Variants in BOC observed in about 807,000 individuals in gnomAD.
The protein encoded by BOC is BOC cell adhesion associated, oncogene regulated.
In BOC, 76 loss-of-function variants were observed where a neutral mutation model predicts 112.0. That is an observed-to-expected ratio of 0.68 (90% confidence interval 0.56 to 0.82). The LOEUF (loss-of-function observed/expected upper bound fraction) is 0.82. Among genes scored for constraint, BOC ranks in the 40% least tolerant of loss-of-function variants. The pLI, the probability that BOC is intolerant of heterozygous loss-of-function variation, is 0.00. For missense variants in BOC, 1,309 were observed against 1,511.7 expected (o/e 0.87, Z 2.22); for synonymous variants, 580 against 599.8 (o/e 0.97, Z 0.48).
chr3:113,236,070 C>A (rs150401878), intron 2 of BOC, among the ~76,000 whole-genome samples: 1,778 of 150,998 alleles, frequency 0.012, 39 homozygotes, highest in African/African-American at 0.041. Flanking sequence ...TAGTATCTAC[C>A]CAAAGGAAAG....
intron 9 of BOC, among the ~76,000 whole-genome samples, chr3:113,275,083 G>GCT (rs1388862101): frequency 3.3e-5 from 5 of 152,226 alleles, no homozygotes; most frequent in Admixed American, 2.6e-4. Flanking sequence ...AGTAAGCCGT[G>GCT]CTGGGTACAT....
Position 113,283,513 on chromosome 3 carries a change from C to T in BOC, c.2537C>T (p.Ala846Val), listed in dbSNP as rs764872369. 3.7e-6 allele frequency: 6 copies of T among 1,613,996 alleles called. No homozygotes were observed. The Admixed American group carries it at 1.0e-4, about 27-fold the overall frequency. The change falls in exon 16 of 20, where the codon GCC becomes GTC. Residue 846 changes from alanine to valine, a missense_variant. Physicochemically the swap from Ala to Val is moderately conservative, Grantham distance 64. Coordinates refer to ENST00000682979, the MANE Select transcript of BOC (RefSeq NM_001378074.1). ...ETIERPVGTGAMVARSSDLPY... is the reference protein window; with the variant it reads ...ETIERPVGTGVMVARSSDLPY... ...ATAGAGCGGCCGGTGGGCACTGGGG[C>T]CATGGTGGCTCGCTCCAGCGACCTG...
At chr3:113,279,213 C>A in intron 11 of BOC, 36 bp from the exon 12 acceptor site, 1 of 1,598,262 alleles carries the variant, frequency 6.3e-7, no homozygotes, top group South Asian at 1.1e-5. Flanking sequence ...GTCATCTCAC[C>A]CTGCTTCCTT....
rs1938203828 is a variant in BOC at position 113,211,882 on chromosome 3, GC to G, written c.-301del. The G allele has an allele frequency of 6.6e-6, 1 of 152,198 alleles. No homozygotes were observed. Among genetic ancestry groups the G allele is most frequent in the Non-Finnish European group, 1.5e-5 (1 of 68,094 alleles). 9.4% of individuals were successfully genotyped at this position (152,198 alleles called of 1,614,324 possible). On this transcript the variant is annotated 5_prime_UTR_variant, in exon 1 of 20. Transcript: ENST00000682979. ...TTTGTTGCTCCAGCCGCGGCCGCTC[GC>G]CCGTGTTGTGTGTCCCCGGTGTCAC...
At chr3:113,260,753 G>GAACAGAACA (rs1559854500) in intron 4 of BOC, among the ~76,000 whole-genome samples, 1 of 151,472 alleles carries the variant, frequency 6.6e-6, no homozygotes, top group Non-Finnish European at 1.5e-5. Context: ...GAACAGAACA[G>GAACAGAACA]GTTTTCACCA....
At chr3:113,283,277 A>C (rs998195785) in intron 15 of BOC, 134 bp from the exon 16 acceptor site, 3 of 862,092 alleles carry the variant, frequency 3.5e-6, no homozygotes, top group Non-Finnish European at 5.4e-6. Context: ...TTCAAATAAG[A>C]GATTTTGAGG....
At chr3:113,232,708 A>AT (rs1390173130) in intron 2 of BOC, among the ~76,000 whole-genome samples, 2 of 152,156 alleles carry the variant, frequency 1.3e-5, no homozygotes, top group Non-Finnish European at 1.5e-5. Context: ...CTTCTTAAAT[A>AT]TTTTTTGTGA....
In BOC at chr3:113,279,940, G is replaced by A. The variant is rs367589886; in HGVS notation, c.2140G>A (p.Val714Met). The A allele has an allele frequency of 2.7e-5, 44 of 1,613,876 alleles. No individual in the cohort carries two copies. Among genetic ancestry groups the A allele is most frequent in the East Asian group, 4.5e-5 (2 of 44,840 alleles). The change falls in exon 13 of 20, where the codon GTG becomes ATG. Residue 714 changes from valine to methionine, a missense_variant. By Grantham distance (21) the Val-to-Met change is conservative. Transcript: ENST00000682979. ...GYSGRVYERP[V>M]AGPYITFTDA... ...CAGCGGTCGCGTGTACGAGAGGCCC[G>A]TGGCAGGTCCTTATATCACCTTCAC... is the stretch of plus-strand genomic sequence containing the variant.
At chr3:113,222,048 G>A (rs553239150) in intron 2 of BOC, among the ~76,000 whole-genome samples, 3 of 152,266 alleles carry the variant, frequency 2.0e-5, no homozygotes, top group Admixed American at 2.0e-4. Flanking sequence ...CTGCTTTCAT[G>A]GTCACCTAAA....
intron 2 of BOC, among the ~76,000 whole-genome samples, chr3:113,246,702 C>T (rs1944960548): frequency 6.6e-6 from 1 of 151,998 alleles, no homozygotes; most frequent in Admixed American, 6.6e-5. Context: ...ATTTTTTGGT[C>T]ATAGTTCTGC....
chr3:113,218,858 G>A (rs1268743683), intron 2 of BOC, among the ~76,000 whole-genome samples: 2 of 152,206 alleles, frequency 1.3e-5, no homozygotes, highest in African/African-American at 4.8e-5. Flanking sequence ...TTGCCAGCAA[G>A]TGTCACTGGG....
rs958129104 is a variant in BOC at position 113,248,544 on chromosome 3, C to G, written c.-81-1178C>G. On this transcript the variant is annotated intron_variant, in intron 2 of 19. Coordinates refer to ENST00000682979, the MANE Select transcript of BOC (RefSeq NM_001378074.1). ...CAGATCACTGGAATGTTGCCTTCAACGTTATCCGAACTCATTTCAATGCCT... is the reference window on the plus strand; with the variant it reads ...CAGATCACTGGAATGTTGCCTTCAAGGTTATCCGAACTCATTTCAATGCCT... 2.0e-5 allele frequency among the ~76,000 whole-genome samples: 3 copies of G among 152,144 alleles called. No homozygotes were observed. In the East Asian group the frequency reaches 5.8e-4, roughly 29 times the overall value.
intron 15 of BOC, among the ~76,000 whole-genome samples, chr3:113,282,435 C>T (rs1576507642): frequency 6.6e-6 from 1 of 152,134 alleles, no homozygotes; most frequent in Non-Finnish European, 1.5e-5. Context: ...AGGTTTCCAG[C>T]TGGAAGTACT....
chr3:113,223,861 A>G (rs749424119), intron 2 of BOC, among the ~76,000 whole-genome samples: 1 of 152,370 alleles, frequency 6.6e-6, no homozygotes, highest in Non-Finnish European at 1.5e-5. Flanking sequence ...GCCCGCAACC[A>G]GAGCCCTGCA....
rs142957790 is a variant in BOC, at chr3:113,264,948, G to A, written c.377-3351G>A. 3.6e-3 allele frequency among the ~76,000 whole-genome samples: 541 copies of A among 152,280 alleles called. 2 individuals carry two copies. The highest frequency in any genetic ancestry group is 0.012 in the African/African-American group (490 of 41,556). The stretch of plus-strand genomic sequence containing the variant: ...CTGGATGTCCAGCTGGGGTGCCCTC[G>A]GTCCTGCCTGCACAGGCTGTTGTGC... On this transcript the variant is annotated intron_variant, in intron 4 of 19. Coordinates refer to ENST00000682979, the MANE Select transcript of BOC (RefSeq NM_001378074.1).
chr3:113,228,937 C>A (rs943819518), intron 2 of BOC, among the ~76,000 whole-genome samples: 3 of 151,400 alleles, frequency 2.0e-5, no homozygotes, highest in East Asian at 3.9e-4. Context: ...CTCCTCCGCT[C>A]CCATACATGC....
intron 4 of BOC, among the ~76,000 whole-genome samples, chr3:113,260,753 G>GAACAGAACAGAACA (rs1559854500): frequency 2.6e-5 from 4 of 151,468 alleles, no homozygotes; most frequent in African/African-American, 4.9e-5. Flanking sequence ...GAACAGAACA[G>GAACAGAACAGAACA]GTTTTCACCA....
chr3:113,221,372 G>C (rs962466858), intron 2 of BOC, among the ~76,000 whole-genome samples: 1 of 152,192 alleles, frequency 6.6e-6, no homozygotes, highest in Non-Finnish European at 1.5e-5. Flanking sequence ...AGGATGGAGA[G>C]ATAGAGGAAC....
At chr3:113,229,317 A>G (rs1278637933) in intron 2 of BOC, among the ~76,000 whole-genome samples, 4 of 152,224 alleles carry the variant, frequency 2.6e-5, no homozygotes, top group African/African-American at 9.7e-5. Context: ...GAGTCCCTGG[A>G]AGCTGCTGGC....
Sources: gnomAD v4.1 joint callset for allele counts (sites outside exome capture counted in the v4.1 genomes callset) on GRCh38, gnomAD v4.1.1 for gene constraint, MANE v1.5 for transcripts, NCBI Gene and HGNC (gene_info 2026-07-23, HGNC 2026-07-21) for gene names.